The following ASCC1 variants were observed in gnomAD, a reference collection of about 807,000 sequenced individuals.
ASCC1 encodes the protein ASC-1 complex subunit P50.
A neutral mutation model predicts 46.6 loss-of-function variants in ASCC1; 35 were observed. The ratio of observed to expected loss-of-function variants is 0.75; its 90% CI spans 0.57 to 0.99. The LOEUF (loss-of-function observed/expected upper bound fraction) is 0.99. Among genes scored for constraint, ASCC1 ranks in the 50% least tolerant of loss-of-function variants. The probability of loss-of-function intolerance (pLI) is 0.00; values close to 1 mark genes in which losing one functional copy is unlikely to be tolerated. For synonymous variants in ASCC1, 143 were observed against 146.6 expected (o/e 0.98, Z 0.18); for missense variants, 376 against 428.7 (o/e 0.88, Z 1.09).
chr10:72,162,324 C>A (rs937300828), intron 5 of ASCC1, among the ~76,000 whole-genome samples: 3 of 152,012 alleles, frequency 2.0e-5, no homozygotes, highest in Non-Finnish European at 4.4e-5. Context: ...GCGCCCGCCA[C>A]CACGCCCGGC....
chr10:72,111,198 T>C (rs918166492), intron 9 of ASCC1, among the ~76,000 whole-genome samples: 3 of 151,888 alleles, frequency 2.0e-5, no homozygotes, highest in Non-Finnish European at 4.4e-5. Context: ...TTTAAGAAAT[T>C]GGTATCAGGC....
At position 72,190,572 on chromosome 10, in the gene ASCC1, G is replaced by A. The variant is rs557854312; in HGVS notation, c.489+6239C>T. 91 of 1,348,070 alleles carry A rather than the reference G, an allele frequency of 6.8e-5. No individual in the cohort carries two copies. In the African/African-American group the frequency reaches 7.6e-4, roughly 11 times the overall value. 83.5% of individuals were successfully genotyped at this position (1,348,070 alleles called of 1,614,324 possible). A position where few individuals can be genotyped will look rare whatever the true frequency, so the allele number is the denominator to read the frequency against. ...AATACTCTCCAGCTCCACCATTATC[G>A]CTAATATAAGTAAAGTTTGTAAAAT... On this transcript the variant is annotated intron_variant, in intron 5 of 9. Coordinates refer to ENST00000672957, the MANE Select transcript of ASCC1 (RefSeq NM_001198800.3).
intron 8 of ASCC1, among the ~76,000 whole-genome samples, chr10:72,131,257 A>G (rs933626656): frequency 2.0e-5 from 3 of 152,048 alleles, no homozygotes; most frequent in African/African-American, 7.3e-5. Flanking sequence ...TGTCTCTACT[A>G]AAAATACGAA....
At chr10:72,175,150 A>G (rs900571820) in intron 5 of ASCC1, among the ~76,000 whole-genome samples, 1 of 152,220 alleles carries the variant, frequency 6.6e-6, no homozygotes, top group African/African-American at 2.4e-5. Flanking sequence ...AGACAGGCCT[A>G]TGTTCAAATT....
chr10:72,141,691 T>C (rs367557847), intron 7 of ASCC1, among the ~76,000 whole-genome samples: 5 of 152,318 alleles, frequency 3.3e-5, no homozygotes, highest in African/African-American at 1.2e-4. Context: ...TTGTAACAGA[T>C]GAATTACTGA....
intron 7 of ASCC1, among the ~76,000 whole-genome samples, chr10:72,148,367 T>C (rs1290335643): frequency 6.6e-6 from 1 of 152,220 alleles, no homozygotes; most frequent in Non-Finnish European, 1.5e-5. Context: ...AAAAACGCAC[T>C]TGTGAGCTGT....
chr10:72,176,188 AT>A (rs1372054782), intron 5 of ASCC1, among the ~76,000 whole-genome samples: 1 of 152,060 alleles, frequency 6.6e-6, no homozygotes, highest in Non-Finnish European at 1.5e-5. Context: ...CACAAACCCT[AT>A]TCTTCTTTCA....
chr10:72,174,869 T>C (rs1156777393), intron 5 of ASCC1, among the ~76,000 whole-genome samples: 1 of 152,200 alleles, frequency 6.6e-6, no homozygotes, highest in East Asian at 1.9e-4. Flanking sequence ...TCAAAGGACC[T>C]ACAAACTTTT....
At chr10:72,207,384 A>G (rs1857371708) in intron 3 of ASCC1, among the ~76,000 whole-genome samples, 1 of 152,246 alleles carries the variant, frequency 6.6e-6, no homozygotes, top group Non-Finnish European at 1.5e-5. Context: ...ACTGCACTCC[A>G]GCCCGAGTAA....
At position 72,096,618 on chromosome 10, in the gene ASCC1, G is replaced by A. The variant is rs1038775973; in HGVS notation, c.*716C>T. On this transcript the variant is annotated 3_prime_UTR_variant, in exon 10 of 10. Coordinates refer to ENST00000672957, the MANE Select transcript of ASCC1 (RefSeq NM_001198800.3). ...GTCTCAAAGAGATATTTGCACCCCC[G>A]TGTCTGTATTAGCACTACTCCCAAT... 3.7e-5 allele frequency: 17 copies of A among 453,842 alleles called. No individual in the cohort carries two copies. The highest frequency in any genetic ancestry group is 3.0e-4 in the African/African-American group (15 of 50,112). The allele number at this position is 453,842 out of a possible 1,614,324, so 28.1% of individuals were successfully genotyped here. A position where few individuals can be genotyped will look rare whatever the true frequency, so the allele number is the denominator to read the frequency against.
chr10:72,110,543 C>A (rs1417829731), intron 9 of ASCC1, among the ~76,000 whole-genome samples: 1 of 151,986 alleles, frequency 6.6e-6, no homozygotes, highest in African/African-American at 2.4e-5. Context: ...AATCCTAGCA[C>A]TTTGGGAGGC....
intron 5 of ASCC1, among the ~76,000 whole-genome samples, chr10:72,168,472 G>A (rs1850656520): frequency 6.6e-6 from 1 of 152,198 alleles, no homozygotes; most frequent in Non-Finnish European, 1.5e-5. Flanking sequence ...TACATTGCTA[G>A]CAGAAATGCA....
In ASCC1 at chr10:72,198,374, G is replaced by GAGGGA. The variant is rs1162449741; in HGVS notation, c.311-1390_311-1386dup. Reference sequence around the variant, plus strand: ...AGGGGAGGGGAGGGGAGGGGGAGGGGAGGGAAGGGAAGGGAAGGGAAGGGA... The same window carrying GAGGGA: ...AGGGGAGGGGAGGGGAGGGGGAGGGGAGGGAAGGGAAGGGAAGGGAAGGGAAGGGA... On this transcript the variant is annotated intron_variant, in intron 4 of 9. Transcript: ENST00000672957. The GAGGGA allele has an allele frequency of 8.5e-4, 107 of 125,166 alleles. 2 individuals carry two copies. The highest frequency in any genetic ancestry group is 1.6e-3 in the South Asian group (33 of 20,096). 7.8% of individuals were successfully genotyped at this position (125,166 alleles called of 1,614,324 possible).
intron 5 of ASCC1, among the ~76,000 whole-genome samples, chr10:72,170,354 ACCT>A (rs1850911739): frequency 6.6e-6 from 1 of 152,178 alleles, no homozygotes; most frequent in Non-Finnish European, 1.5e-5. Context: ...ACACATTATC[ACCT>A]ATGCAATGCT....
rs1856754526 is a variant in ASCC1, at chr10:72,203,288, A to G, written c.310+139T>C. On this transcript the variant is annotated intron_variant, in intron 4 of 9. Transcript: ENST00000672957. ...GTAACAAGGGCAAAACTCCGTCTCA[A>G]AAAAAAAAAAAAAGAAAAGAAAAAG... 6 of 406,450 alleles carry G rather than the reference A, an allele frequency of 1.5e-5. No individual in the cohort carries two copies. The East Asian group carries it at 2.9e-4, about 19-fold the overall frequency. 25.2% of individuals were successfully genotyped at this position (406,450 alleles called of 1,614,324 possible). A position where few individuals can be genotyped will look rare whatever the true frequency, so the allele number is the denominator to read the frequency against.
chr10:72,108,088 T>C (rs1441844972), intron 9 of ASCC1, among the ~76,000 whole-genome samples: 1 of 150,700 alleles, frequency 6.6e-6, no homozygotes, highest in Admixed American at 6.6e-5. Flanking sequence ...TTTTTTTTTT[T>C]TTTTTTGAAA....
At chr10:72,210,990 C>T (rs1370903422) in intron 2 of ASCC1, among the ~76,000 whole-genome samples, 159 bp from the exon 3 acceptor site, 1 of 152,186 alleles carries the variant, frequency 6.6e-6, no homozygotes, top group East Asian at 1.9e-4. Context: ...TCTGATACTC[C>T]TTCTGACCCG....
intron 9 of ASCC1, among the ~76,000 whole-genome samples, chr10:72,106,883 C>T (rs143072919): frequency 0.012 from 1,759 of 152,298 alleles, 7 homozygotes; most frequent in Admixed American, 0.018. Context: ...TGGAAGGCCA[C>T]GTCCACAAGG....
intron 6 of ASCC1, among the ~76,000 whole-genome samples, chr10:72,155,318 T>C (rs1054361242): frequency 6.6e-6 from 1 of 152,180 alleles, no homozygotes; most frequent in East Asian, 1.9e-4. Context: ...CAAAAGTGTA[T>C]ATACTAAATA....
Sources: gnomAD v4.1 joint callset for allele counts (sites outside exome capture counted in the v4.1 genomes callset) on GRCh38, gnomAD v4.1.1 for gene constraint, MANE v1.5 for transcripts, NCBI Gene and HGNC (gene_info 2026-07-23, HGNC 2026-07-21) for gene names.